The following MICU3 variants were observed in gnomAD, a reference collection of about 807,000 sequenced individuals.
MICU3 encodes mitochondrial calcium uptake 3, also known as calcium uptake protein 3, mitochondrial.
In MICU3, 62 loss-of-function variants were observed where a neutral mutation model predicts 66.5. That is an observed-to-expected ratio of 0.93 (90% confidence interval 0.76 to 1.15). The LOEUF (loss-of-function observed/expected upper bound fraction) is 1.15. MICU3 is among the 50% of genes most tolerant of loss of function. MICU3 has a pLI of 0.00. For missense variants in MICU3, 779 were observed against 664.4 expected, an observed-to-expected ratio of 1.17 and a Z score of -1.90; for synonymous variants, 308 against 240.7, an observed-to-expected ratio of 1.28 and a Z score of -2.59.
chr8:17,135,006 C>G, the MICU3 span, among the ~76,000 whole-genome samples: 1 of 152,206 alleles, frequency 6.6e-6, no homozygotes, highest in Non-Finnish European at 1.5e-5. Flanking sequence ...GTTGTATATT[C>G]TACTTACAAG....
chr8:17,120,273 A>C lies in MICU3; in HGVS notation c.*1-15A>C, dbSNP rs957018908. 1 of 151,802 alleles carries C rather than the reference A, an allele frequency of 6.6e-6. No individual in the cohort carries two copies. Among genetic ancestry groups the C allele is most frequent in the Non-Finnish European group, 1.5e-5 (1 of 67,912 alleles). The allele number at this position is 151,802 out of a possible 1,614,324, so 9.4% of individuals were successfully genotyped here. The stretch of plus-strand genomic sequence containing the variant: ...AAATAAATATTGCTTTTGTGTTATT[A>C]TTTTTTTTAATTAGATACTCCTAAA... On this transcript the variant is annotated splice_polypyrimidine_tract_variant and intron_variant, in intron 14 of 14. Coordinates refer to ENST00000318063, the MANE Select transcript of MICU3 (RefSeq NM_181723.3).
At chr8:17,123,699 A>G (rs1035417792), downstream of MICU3, among the ~76,000 whole-genome samples, 4 of 152,066 alleles carry the variant, frequency 2.6e-5, no homozygotes, top group African/African-American at 9.7e-5. Context: ...TAGTAAATTT[A>G]TATGTCAATA....
Position 17,072,794 on chromosome 8 carries a change from C to A in MICU3, c.567+3075C>A, listed in dbSNP as rs913051482. On this transcript the variant is annotated intron_variant, in intron 3 of 14. Transcript: ENST00000318063. ...ACCAATGATACGATACTATTTGACA[C>A]CCGCCAGATGGTGAGCTTCCAGAAA... is the stretch of plus-strand genomic sequence containing the variant. Among the ~76,000 whole-genome samples, 50 of 152,288 alleles carry A rather than the reference C, an allele frequency of 3.3e-4. No homozygotes were observed. In the East Asian group the frequency reaches 5.0e-3, roughly 15 times the overall value.
At chr8:17,053,572 T>C (rs1048116721) in intron 1 of MICU3, among the ~76,000 whole-genome samples, 1 of 152,164 alleles carries the variant, frequency 6.6e-6, no homozygotes, top group Non-Finnish European at 1.5e-5. Flanking sequence ...AATATTTTTA[T>C]TTTTCTGGGA....
chr8:17,038,733 C>A (rs960123588), intron 1 of MICU3, among the ~76,000 whole-genome samples: 1 of 152,058 alleles, frequency 6.6e-6, no homozygotes, highest in African/African-American at 2.4e-5. Flanking sequence ...GCAGGCAGAT[C>A]ATGAGGTCAG....
In MICU3 at chr8:17,100,474, C is replaced by A. The variant is rs562470880; in HGVS notation, c.984+1921C>A. Among the ~76,000 whole-genome samples, 16 of 151,830 alleles carry A rather than the reference C, an allele frequency of 1.1e-4. 1 individual carries two copies. The South Asian group carries it at 3.3e-3, about 32-fold the overall frequency. On this transcript the variant is annotated intron_variant, in intron 9 of 14. Transcript: ENST00000318063. ...TTGAGAATTAACTACAGTTCAGTTA[C>A]AACTAATTATATAAATCCTTATAGG...
intron 5 of MICU3, among the ~76,000 whole-genome samples, chr8:17,084,426 A>G (rs1193565060): frequency 6.6e-6 from 1 of 151,978 alleles, no homozygotes; most frequent in South Asian, 2.1e-4. Context: ...TGCAGGTTCA[A>G]CATTTCACAA....
downstream of MICU3, among the ~76,000 whole-genome samples, chr8:17,124,159 C>G (rs1396020291): frequency 6.6e-6 from 1 of 151,980 alleles, no homozygotes; most frequent in Non-Finnish European, 1.5e-5. Context: ...ACTCAAGTCC[C>G]CCTCCAAGAC....
intron 1 of MICU3, among the ~76,000 whole-genome samples, chr8:17,062,763 T>C (rs1818043647): frequency 6.6e-6 from 1 of 151,988 alleles, no homozygotes; most frequent in Admixed American, 6.6e-5. Flanking sequence ...GTTTCACTCC[T>C]AAGGATTAAG....
intron 1 of MICU3, among the ~76,000 whole-genome samples, chr8:17,030,747 T>G: frequency 6.6e-6 from 1 of 152,212 alleles, no homozygotes; most frequent in East Asian, 1.9e-4. Context: ...GCCCAACTAC[T>G]TACTCTGATT....
intron 1 of MICU3, among the ~76,000 whole-genome samples, chr8:17,054,899 C>T (rs1000870373): frequency 5.3e-5 from 8 of 151,716 alleles, no homozygotes; most frequent in East Asian, 1.9e-4. Context: ...CCACCATGCC[C>T]GGCTAATTTT....
rs187306304 is a variant in MICU3, at chr8:17,042,847, T to C, written c.381+15187T>C. Among the ~76,000 whole-genome samples, 3 of 152,210 alleles carry C rather than the reference T, an allele frequency of 2.0e-5. No homozygotes were observed. The East Asian group carries it at 5.8e-4, about 29-fold the overall frequency. On this transcript the variant is annotated intron_variant, in intron 1 of 14. Transcript: ENST00000318063. ...ATCTATCCAGTTGACACTGTAAGTA[T>C]TGACTAGGTGAGATATTTGCATTGT...
intron 4 of MICU3, among the ~76,000 whole-genome samples, chr8:17,079,461 T>A (rs1585379801): frequency 6.6e-6 from 1 of 152,172 alleles, no homozygotes; most frequent in Admixed American, 6.6e-5. Context: ...CTTGCTTTTT[T>A]TAAATAGCGA....
the MICU3 span, chr8:17,134,131 T>C: frequency 6.6e-6 from 1 of 152,226 alleles, no homozygotes; most frequent in Non-Finnish European, 1.5e-5. Context: ...ACAATTGTAT[T>C]ATGGTTCTCC....
chr8:17,103,404 G>C (rs1801448402), intron 9 of MICU3, among the ~76,000 whole-genome samples: 1 of 151,780 alleles, frequency 6.6e-6, no homozygotes, highest in Non-Finnish European at 1.5e-5. Flanking sequence ...AAGAGTTCTG[G>C]ACAAAAAGCT....
chr8:17,118,644 A>G (rs1802924786), intron 13 of MICU3, 63 bp from the exon 14 acceptor site: 2 of 1,047,292 alleles, frequency 1.9e-6, no homozygotes, highest in Admixed American at 1.8e-5. Context: ...TTCCACATGT[A>G]AGTGAAATCA....
chr8:17,027,919 A>G (rs1811303269), intron 1 of MICU3, among the ~76,000 whole-genome samples: 1 of 151,934 alleles, frequency 6.6e-6, no homozygotes, highest in African/African-American at 2.4e-5. Flanking sequence ...CCCAAAACCA[A>G]CACCCCTCCC....
chr8:17,093,436 GA>G (rs944295646), intron 8 of MICU3, among the ~76,000 whole-genome samples: 3 of 151,868 alleles, frequency 2.0e-5, no homozygotes, highest in Non-Finnish European at 4.4e-5. Context: ...TATTTGAAAA[GA>G]ATGTGTATTT....
Position 17,121,901 on chromosome 8 carries a change from C to G in MICU3, c.*1614C>G, listed in dbSNP as rs1191376161. 2 of 151,726 alleles carry G rather than the reference C, an allele frequency of 1.3e-5. No homozygotes were observed. The highest frequency in any genetic ancestry group is 4.8e-5 in the African/African-American group (2 of 41,422). The allele number at this position is 151,726 out of a possible 1,614,324, so 9.4% of individuals were successfully genotyped here. A position where few individuals can be genotyped will look rare whatever the true frequency, so the allele number is the denominator to read the frequency against. On this transcript the variant is annotated 3_prime_UTR_variant, in exon 15 of 15. Transcript: ENST00000318063. ...CTGACTAAATGAAAATGCCTACCCA[C>G]TCATATAACATACCTCAGGTCTATT...
Sources: allele counts gnomAD v4.1 joint callset (sites outside exome capture counted in the v4.1 genomes callset), GRCh38; gene constraint gnomAD v4.1.1; transcripts MANE v1.5; gene names NCBI Gene and HGNC (gene_info 2026-07-23, HGNC 2026-07-21).